OPCML: variants seen among roughly 807,000 people sequenced by gnomAD.
The protein encoded by OPCML is opioid-binding protein/cell adhesion molecule.
Under a neutral mutation model 37.8 loss-of-function variants are expected in OPCML, and 13 were observed. That is an observed-to-expected ratio of 0.34 (90% CI 0.22 to 0.55). The LOEUF (loss-of-function observed/expected upper bound fraction) is 0.55. Ranked by LOEUF, OPCML falls within the 20% of genes least tolerant of loss-of-function variation. OPCML has a pLI of 0.91. For synonymous variants in OPCML, 176 were observed against 168.8 expected, an observed-to-expected ratio of 1.04 and a Z score of -0.33; for missense variants, 341 against 435.6, an observed-to-expected ratio of 0.78 and a Z score of 1.93.
chr11:133,140,531 T>TAATAATAATAATAATAATAATAAGAAG (rs1272061685), intron 1 of OPCML, among the ~76,000 whole-genome samples: 15 of 88,106 alleles, frequency 1.7e-4, no homozygotes, highest in East Asian at 3.7e-4. Flanking sequence ...ATAATAATAA[T>TAATAATAATAATAATAATAATAAGAAG]AAGAAGAAGA....
At chr11:133,514,132 G>A (rs34810428) in intron 1 of OPCML, among the ~76,000 whole-genome samples, 32,295 of 152,114 alleles carry the variant, frequency 0.21, 3,939 homozygotes, top group Admixed American at 0.33. Context: ...GGTTCACATC[G>A]CCTGGCATCT....
chr11:133,275,719 C>T (rs1941973863), intron 1 of OPCML, among the ~76,000 whole-genome samples: 2 of 152,198 alleles, frequency 1.3e-5, no homozygotes, highest in South Asian at 4.1e-4. Context: ...TCTATTTATT[C>T]ACCACTGTGT....
rs2084611938 is a variant in OPCML at position 133,394,156 on chromosome 11, C to T, written c.61+138108G>A. ...CCACATCATGCCTCAGATGGCATCACTGGGCTTCTGGTCTCGCAGGCTCAT... is the reference window on the plus strand; with the variant it reads ...CCACATCATGCCTCAGATGGCATCATTGGGCTTCTGGTCTCGCAGGCTCAT... On this transcript the variant is annotated intron_variant, in intron 1 of 7. Transcript: ENST00000524381. Among the ~76,000 whole-genome samples, 3 of 152,238 alleles carry T rather than the reference C, an allele frequency of 2.0e-5. No homozygotes were observed. In the South Asian group the frequency reaches 6.2e-4, roughly 32 times the overall value.
At chr11:132,787,326 C>CA (rs1385463898) in intron 2 of OPCML, among the ~76,000 whole-genome samples, 2 of 152,094 alleles carry the variant, frequency 1.3e-5, no homozygotes, top group African/African-American at 4.8e-5. Context: ...TTATCCGAAA[C>CA]AAAAATGTGT....
chr11:133,479,628 G>A (rs1947330896), intron 1 of OPCML, among the ~76,000 whole-genome samples: 1 of 152,178 alleles, frequency 6.6e-6, no homozygotes, highest in African/African-American at 2.4e-5. Context: ...AGTGACTCAG[G>A]TCAAGCGTCA....
At chr11:133,449,262 G>A (rs1565639795) in intron 1 of OPCML, among the ~76,000 whole-genome samples, 2 of 152,188 alleles carry the variant, frequency 1.3e-5, no homozygotes, top group African/African-American at 4.8e-5. Context: ...AGGACAGAGA[G>A]TAAATATTTT....
chr11:133,222,843 A>G (rs746993834), intron 1 of OPCML, among the ~76,000 whole-genome samples: 11 of 152,168 alleles, frequency 7.2e-5, no homozygotes, highest in Non-Finnish European at 1.6e-4. Context: ...GAGCCCTGTC[A>G]TTAATCAAAC....
intron 1 of OPCML, among the ~76,000 whole-genome samples, chr11:133,070,407 T>C (rs1417215461): frequency 6.6e-6 from 1 of 152,090 alleles, no homozygotes; most frequent in East Asian, 1.9e-4. Flanking sequence ...CCCACCCTGG[T>C]CCATTTAGGC....
At chr11:132,828,153 A>AT (rs1388409854) in intron 2 of OPCML, among the ~76,000 whole-genome samples, 2 of 152,206 alleles carry the variant, frequency 1.3e-5, no homozygotes, top group African/African-American at 4.8e-5. Context: ...AATGAAAATC[A>AT]TATACTATAT....
At chr11:133,415,990 C>G (rs911101501) in intron 1 of OPCML, among the ~76,000 whole-genome samples, 1 of 152,200 alleles carries the variant, frequency 6.6e-6, no homozygotes, top group East Asian at 1.9e-4. Context: ...TGATTCTCCC[C>G]TAAAACCTCC....
chr11:132,697,471 C>T (rs1418866929), intron 2 of OPCML, among the ~76,000 whole-genome samples: 1 of 152,196 alleles, frequency 6.6e-6, no homozygotes, highest in Non-Finnish European at 1.5e-5. Flanking sequence ...CACCATTCGA[C>T]ACTCTCTTTC....
chr11:132,427,017 A>C (rs2095979852), intron 7 of OPCML, among the ~76,000 whole-genome samples: 1 of 152,222 alleles, frequency 6.6e-6, no homozygotes, highest in East Asian at 1.9e-4. Context: ...ACAAGCCATG[A>C]AGGTATTGGA....
intron 4 of OPCML, among the ~76,000 whole-genome samples, chr11:132,523,972 G>A (rs1328217689): frequency 6.6e-6 from 1 of 152,250 alleles, no homozygotes; most frequent in African/African-American, 2.4e-5. Flanking sequence ...TAAAATCTCA[G>A]TGGAGGGGAG....
chr11:132,814,936 C>A (rs1331536510), intron 2 of OPCML, among the ~76,000 whole-genome samples: 2 of 152,106 alleles, frequency 1.3e-5, no homozygotes, highest in Non-Finnish European at 2.9e-5. Flanking sequence ...GTGTTCTGAT[C>A]TCAGTGGAAT....
rs573170003 is a variant in OPCML, at chr11:132,962,370, A to G, written c.62-19360T>C. Reference sequence around the variant, plus strand: ...ATGAAGACAGCATCTGCAGACCAAGAGTGTGCCTGGGAACTCACATTCGTT... The same window carrying G: ...ATGAAGACAGCATCTGCAGACCAAGGGTGTGCCTGGGAACTCACATTCGTT... On this transcript the variant is annotated intron_variant, in intron 1 of 7. Transcript: ENST00000524381. Among the ~76,000 whole-genome samples, 4 of 152,294 alleles carry G rather than the reference A, an allele frequency of 2.6e-5. No individual in the cohort carries two copies. In the East Asian group the frequency reaches 5.8e-4, roughly 22 times the overall value.
chr11:132,452,430 T>C (rs1377595642), intron 4 of OPCML, among the ~76,000 whole-genome samples: 2 of 152,066 alleles, frequency 1.3e-5, no homozygotes, highest in African/African-American at 4.8e-5. Context: ...CACCTCACAC[T>C]GGGTGACGAT....
At chr11:133,503,124 C>G (rs374607335) in intron 1 of OPCML, among the ~76,000 whole-genome samples, 1 of 152,176 alleles carries the variant, frequency 6.6e-6, no homozygotes, top group Admixed American at 6.5e-5. Context: ...ATGGTTTTCT[C>G]ACGTCCTTTT....
chr11:133,109,253 C>A (rs1195875049), intron 1 of OPCML, among the ~76,000 whole-genome samples: 1 of 152,218 alleles, frequency 6.6e-6, no homozygotes, highest in South Asian at 2.1e-4. Context: ...AAATATGGCA[C>A]GGACCCAAAG....
intron 1 of OPCML, among the ~76,000 whole-genome samples, chr11:133,323,114 A>G (rs1943372183): frequency 6.6e-6 from 1 of 152,206 alleles, no homozygotes; most frequent in Non-Finnish European, 1.5e-5. Context: ...AGGGATCTGG[A>G]TACCTGTGGT....
Sources: gnomAD v4.1 joint callset for allele counts (sites outside exome capture counted in the v4.1 genomes callset) on GRCh38, gnomAD v4.1.1 for gene constraint, MANE v1.5 for transcripts, NCBI Gene and HGNC (gene_info 2026-07-23, HGNC 2026-07-21) for gene names.